Variants in BORCS5 observed in about 807,000 individuals in gnomAD.
BORCS5 encodes BLOC-1 related complex subunit 5.
BORCS5 carries 17 observed loss-of-function variants against 22.1 expected under a neutral mutation model. The ratio of observed to expected loss-of-function variants is 0.77; its 90% CI spans 0.53 to 1.15. BORCS5 has a LOEUF of 1.15. Ranked by LOEUF, BORCS5 falls within the 50% of genes most tolerant of loss-of-function variation. The probability of loss-of-function intolerance (pLI) is 0.00; values close to 1 mark genes in which losing one functional copy is unlikely to be tolerated. For missense variants in BORCS5, 247 were observed against 253.2 expected (o/e 0.98, Z 0.17); for synonymous variants, 117 against 99.8 (o/e 1.17, Z -1.03).
intron 2 of BORCS5, among the ~76,000 whole-genome samples, chr12:12,362,874 C>G (rs1863321967): frequency 6.6e-6 from 1 of 151,744 alleles, no homozygotes; most frequent in Non-Finnish European, 1.5e-5. Flanking sequence ...TGGTCTCGAA[C>G]TCCTGACCTC....
intron 2 of BORCS5, among the ~76,000 whole-genome samples, chr12:12,383,780 A>G (rs921611135): frequency 6.6e-6 from 1 of 150,468 alleles, no homozygotes; most frequent in Non-Finnish European, 1.5e-5. Flanking sequence ...ATAGTTTGTG[A>G]TAAGTCCAAG....
chr12:12,402,300 GA>G (rs1052811062), intron 2 of BORCS5, among the ~76,000 whole-genome samples: 1 of 152,072 alleles, frequency 6.6e-6, no homozygotes, highest in African/African-American at 2.4e-5. Context: ...CATCAAGGGA[GA>G]AAAAAGAGTT....
chr12:12,461,187 G>T (rs1320445616), intron 3 of BORCS5, among the ~76,000 whole-genome samples: 1 of 150,182 alleles, frequency 6.7e-6, no homozygotes. Flanking sequence ...TTTCCCCCTG[G>T]GATAGGGCCT....
chr12:12,451,802 C>T (rs1192406993), intron 3 of BORCS5, among the ~76,000 whole-genome samples: 2 of 152,020 alleles, frequency 1.3e-5, no homozygotes, highest in African/African-American at 4.8e-5. Flanking sequence ...CCTGTAGTCC[C>T]AGCTACTCAG....
intron 2 of BORCS5, among the ~76,000 whole-genome samples, chr12:12,427,232 G>A (rs1942311537): frequency 7.4e-6 from 1 of 135,426 alleles, no homozygotes; most frequent in Non-Finnish European, 1.5e-5. Flanking sequence ...CCAGGCTGGA[G>A]TTTGGTGGCA....
intron 2 of BORCS5, among the ~76,000 whole-genome samples, chr12:12,430,326 T>A (rs1353768734): frequency 2.0e-5 from 3 of 151,974 alleles, no homozygotes; most frequent in African/African-American, 4.8e-5. Context: ...AATTTTTTTA[T>A]ATTTTTAGTA....
At chr12:12,417,102 T>C (rs914611070) in intron 2 of BORCS5, among the ~76,000 whole-genome samples, 4 of 152,140 alleles carry the variant, frequency 2.6e-5, no homozygotes, top group Non-Finnish European at 5.9e-5. Flanking sequence ...AATGTAAACA[T>C]TGATAAATTT....
chr12:12,422,728 T>C (rs375622667), intron 2 of BORCS5, among the ~76,000 whole-genome samples: 88 of 152,348 alleles, frequency 5.8e-4, no homozygotes, highest in African/African-American at 1.9e-3. Flanking sequence ...CAGTTGTTAA[T>C]GTCACAAGAT....
chr12:12,398,766 G>A (rs560380146), intron 2 of BORCS5, among the ~76,000 whole-genome samples: 4 of 152,280 alleles, frequency 2.6e-5, no homozygotes, highest in East Asian at 1.9e-4. Context: ...ATATCTGTGC[G>A]ATATTGGGAA....
intron 3 of BORCS5, among the ~76,000 whole-genome samples, chr12:12,439,846 G>C (rs961370421): frequency 6.6e-6 from 1 of 152,130 alleles, no homozygotes; most frequent in African/African-American, 2.4e-5. Context: ...GCAAACTCCT[G>C]AATCATATCC....
chr12:12,441,810 G>A lies in BORCS5; in HGVS notation c.360+6025G>A, dbSNP rs145717459. On this transcript the variant is annotated intron_variant, in intron 3 of 3. Transcript: ENST00000314565. ...ATATGTAGTTTTTGGAATTTCTGTA[G>A]TGAATTTAACTGTTTATTCTGCTTT... 2.7e-3 allele frequency among the ~76,000 whole-genome samples: 405 copies of A among 152,020 alleles called. 2 individuals are homozygous for A. The highest frequency in any genetic ancestry group is 9.2e-3 in the African/African-American group (380 of 41,468).
At chr12:12,426,805 C>T (rs1388832162) in intron 2 of BORCS5, among the ~76,000 whole-genome samples, 1 of 152,196 alleles carries the variant, frequency 6.6e-6, no homozygotes, top group Non-Finnish European at 1.5e-5. Context: ...AATAAGGGAG[C>T]TGAATTCAGC....
chr12:12,450,077 C>T (rs1224801156), intron 3 of BORCS5, among the ~76,000 whole-genome samples: 1 of 152,192 alleles, frequency 6.6e-6, no homozygotes, highest in Non-Finnish European at 1.5e-5. Flanking sequence ...AGTTATAATT[C>T]ATTGGGTAAA....
At chr12:12,378,067 C>A (rs1248698960) in intron 2 of BORCS5, among the ~76,000 whole-genome samples, 2 of 152,110 alleles carry the variant, frequency 1.3e-5, no homozygotes, top group Admixed American at 6.6e-5. Context: ...TTTTAAAATA[C>A]TTCTGTTTTA....
At chr12:12,402,098 G>T (rs578237274) in intron 2 of BORCS5, among the ~76,000 whole-genome samples, 34 of 151,408 alleles carry the variant, frequency 2.2e-4, no homozygotes, top group Admixed American at 1.9e-3. Flanking sequence ...TAAACAGCTG[G>T]ATAACATTTC....
chr12:12,458,638 G>T (rs1184299711), intron 3 of BORCS5, among the ~76,000 whole-genome samples: 1 of 149,042 alleles, frequency 6.7e-6, no homozygotes, highest in Non-Finnish European at 1.5e-5. Flanking sequence ...GAGGGCAGTG[G>T]TGCGATCTTG....
intron 2 of BORCS5, among the ~76,000 whole-genome samples, chr12:12,392,236 T>A (rs374015162): frequency 2.0e-5 from 3 of 151,948 alleles, no homozygotes; most frequent in African/African-American, 7.3e-5. Flanking sequence ...GGTATTAGTG[T>A]CCCTTTTAGA....
rs193237116 is a variant in BORCS5, at chr12:12,382,481, A to T, written c.202+21132A>T. On this transcript the variant is annotated intron_variant, in intron 2 of 3. Coordinates refer to ENST00000314565, the MANE Select transcript of BORCS5 (RefSeq NM_058169.6). ...AACATGAGATTTGGAGGGGACAAGT[A>T]TCCAAATGATATCACTATTCTGTCT... Among the ~76,000 whole-genome samples the T allele has an allele frequency of 1.7e-3, 262 of 151,022 alleles. 5 individuals carry two copies. Among genetic ancestry groups the T allele is most frequent in the Non-Finnish European group, 2.0e-3 (135 of 67,576 alleles).
intron 2 of BORCS5, among the ~76,000 whole-genome samples, chr12:12,425,331 A>C (rs780351972): frequency 6.6e-6 from 1 of 152,206 alleles, no homozygotes. Flanking sequence ...CACCAGTGCA[A>C]TTATTTAGTT....
Sources: gnomAD v4.1 joint callset for allele counts (sites outside exome capture counted in the v4.1 genomes callset) on GRCh38, gnomAD v4.1.1 for gene constraint, MANE v1.5 for transcripts, NCBI Gene and HGNC (gene_info 2026-07-23, HGNC 2026-07-21) for gene names.